SH3TC1: variants seen among roughly 807,000 people sequenced by gnomAD.
SH3TC1 encodes the protein SH3 domain and tetratricopeptide repeats 1.
In SH3TC1, 135 loss-of-function variants were observed where a neutral mutation model predicts 117.3. The observed-to-expected ratio is 1.15, with a 90% CI of 1.00 to 1.33. The LOEUF (loss-of-function observed/expected upper bound fraction) is 1.33. Among genes scored for constraint, SH3TC1 ranks in the 40% most tolerant of loss-of-function variants. SH3TC1 has a pLI of 0.00. For synonymous variants in SH3TC1, 898 were observed against 816.9 expected (o/e 1.10, Z -1.69); for missense variants, 2,092 against 1,794.3 (o/e 1.17, Z -3.00).
intron 17 of SH3TC1, among the ~76,000 whole-genome samples, chr4:8,239,423 G>C (rs1234004855): frequency 8.0e-6 from 1 of 125,478 alleles, no homozygotes; most frequent in Admixed American, 7.9e-5. Context: ...CAAATACACA[G>C]GCACATGCAC....
intron 10 of SH3TC1, among the ~76,000 whole-genome samples, chr4:8,223,392 G>T (rs1367947374): frequency 1.3e-5 from 2 of 152,232 alleles, no homozygotes; most frequent in African/African-American, 4.8e-5. Context: ...CCAGACTGTG[G>T]TGTGGCCTGG....
intron 9 of SH3TC1, 122 bp downstream of exon 9, chr4:8,219,652 C>G: frequency 9.0e-7 from 1 of 1,114,760 alleles, no homozygotes. Context: ...GATGCCTAGT[C>G]TCTTCCCTTG....
intron 1 of SH3TC1, among the ~76,000 whole-genome samples, chr4:8,188,777 G>C (rs2152974256): frequency 6.6e-6 from 1 of 152,362 alleles, no homozygotes; most frequent in African/African-American, 2.4e-5. Flanking sequence ...CAGCGGGTTA[G>C]CAGGCATGTG....
chr4:8,191,356 C>T (rs1194417291), intron 1 of SH3TC1, among the ~76,000 whole-genome samples: 1 of 152,242 alleles, frequency 6.6e-6, no homozygotes, highest in Non-Finnish European at 1.5e-5. Context: ...CTGCTGACCA[C>T]TTCCTGCAGG....
intron 12 of SH3TC1, among the ~76,000 whole-genome samples, chr4:8,230,864 C>CCTCTA (rs2152994187): frequency 6.7e-6 from 1 of 149,758 alleles, no homozygotes; most frequent in African/African-American, 2.5e-5. Flanking sequence ...CTCACTGCAA[C>CCTCTA]CTCTACCCGG....
intron 4 of SH3TC1, 200 bp downstream of exon 4, chr4:8,213,028 AG>A: frequency 1.5e-6 from 1 of 672,212 alleles, no homozygotes; most frequent in Non-Finnish European, 2.4e-6. Flanking sequence ...TGCTTTGTGG[AG>A]GGCACTGTGA....
chr4:8,188,872 C>A (rs1198404486), intron 1 of SH3TC1, among the ~76,000 whole-genome samples: 1 of 152,240 alleles, frequency 6.6e-6, no homozygotes, highest in Non-Finnish European at 1.5e-5. Context: ...GCCACCTCCT[C>A]CCTGTCTCTC....
chr4:8,234,035 T>C (rs559929586), intron 14 of SH3TC1, among the ~76,000 whole-genome samples: 9 of 141,234 alleles, frequency 6.4e-5, no homozygotes, highest in Admixed American at 4.2e-4. Flanking sequence ...CATCCATCCA[T>C]TCATCCATCA....
At position 8,210,033 on chromosome 4, in the gene SH3TC1, G is replaced by T; in HGVS notation, c.247+211G>T. Among the ~76,000 whole-genome samples, 1 of 152,298 alleles carries T rather than the reference G, an allele frequency of 6.6e-6. No homozygotes were observed. The highest frequency in any genetic ancestry group is 1.5e-5 in the Non-Finnish European group (1 of 68,008). On this transcript the variant is annotated intron_variant, in intron 3 of 17. Transcript: ENST00000245105. The surrounding 1 kb of genome is among the most constrained non-coding windows in gnomAD (Gnocchi z 4.1). ...GACATGGCCCCTGGGGCTCCCCTAG[G>T]CATCCCTGTGTGCACCTGCACAAAC... is the stretch of plus-strand genomic sequence containing the variant.
chr4:8,215,029 A>T, intron 5 of SH3TC1: 1 of 421,316 alleles, frequency 2.4e-6, no homozygotes, highest in South Asian at 1.7e-5. Context: ...CAAGATAACA[A>T]CACTGGTGTG....
At chr4:8,188,000 C>T (rs916773343) in intron 1 of SH3TC1, among the ~76,000 whole-genome samples, 1 of 152,224 alleles carries the variant, frequency 6.6e-6, no homozygotes, top group African/African-American at 2.4e-5. Context: ...ATCTATTGAT[C>T]CATTTAACTA....
rs1228851110 is a variant in SH3TC1 at position 8,222,849 on chromosome 4, T to A, written c.1122T>A (p.Ser374Arg). The A allele has an allele frequency of 6.2e-7, 1 of 1,611,052 alleles. No individual in the cohort carries two copies. The highest frequency in any genetic ancestry group is 2.2e-5 in the East Asian group (1 of 44,804). The stretch of plus-strand genomic sequence containing the variant: ...ACTTTATTTTTTCCAGGTTGGAAAG[T>A]GCGATTTTTCTCAATGAGGAAGAAA... ...SMQGPVSELE[S>R]AIFLNEEEKS... The change falls in exon 10 of 18, where the codon AGT becomes AGA. Residue 374 changes from serine to arginine, a missense_variant. Coordinates refer to ENST00000245105, the MANE Select transcript of SH3TC1 (RefSeq NM_018986.5).
chr4:8,205,105 C>A lies in SH3TC1; in HGVS notation c.-28-62C>A. Reference sequence around the variant, plus strand: ...TCTCTTTCTGGACCCCAGGCCTGGACACAACCTCCGTGCTGGTTCTGGAGG... The same window carrying A: ...TCTCTTTCTGGACCCCAGGCCTGGAAACAACCTCCGTGCTGGTTCTGGAGG... On this transcript the variant is annotated intron_variant, in intron 1 of 17. Transcript: ENST00000245105. This position sits in a 1 kb window ranked among gnomAD's most constrained non-coding sequence, Gnocchi z 5.4. The A allele has an allele frequency of 7.3e-7, 1 of 1,364,722 alleles. No individual in the cohort carries two copies. Among genetic ancestry groups the A allele is most frequent in the Non-Finnish European group, 9.7e-7 (1 of 1,029,228 alleles). 84.5% of individuals were successfully genotyped at this position (1,364,722 alleles called of 1,614,324 possible).
At chr4:8,233,640 A>T (rs1721462524) in intron 14 of SH3TC1, 127 bp downstream of exon 14, 1 of 1,138,672 alleles carries the variant, frequency 8.8e-7, no homozygotes, top group Non-Finnish European at 1.2e-6. Context: ...CCTTCCTTCC[A>T]TCCATCCATC....
At chr4:8,232,622 TCA>T (rs1489092638) in intron 13 of SH3TC1, 6 of 1,323,596 alleles carry the variant, frequency 4.5e-6, no homozygotes, top group Non-Finnish European at 6.0e-6. Flanking sequence ...TTTCAAGGTC[TCA>T]CATCCCACAT....
At position 8,228,222 on chromosome 4, in the gene SH3TC1, T is replaced by G. The variant is rs1720742228; in HGVS notation, c.2528T>G (p.Val843Gly). 5 of 1,608,792 alleles carry G rather than the reference T, an allele frequency of 3.1e-6. No individual in the cohort carries two copies. Among genetic ancestry groups the G allele is most frequent in the Non-Finnish European group, 4.2e-6 (5 of 1,177,158 alleles). ...CACGTGCTTCATGGGCAGAGCCCGG[T>G]GGCCCTGGACATCCTGCAGTCTGTC... The part of the protein sequence containing the change: ...WLHVLHGQSP[V>G]ALDILQSVRD... Residue 843 changes from valine (V) to glycine (G), a missense_variant, in exon 12 of 18, where the codon GTG becomes GGG. Transcript: ENST00000245105.
intron 1 of SH3TC1, among the ~76,000 whole-genome samples, chr4:8,200,078 C>A (rs753959): frequency 0.15 from 22,805 of 152,266 alleles, 2,095 homozygotes; most frequent in East Asian, 0.21. Flanking sequence ...GAGCCCTGCC[C>A]TGTCTGTGAA....
upstream of SH3TC1, among the ~76,000 whole-genome samples, chr4:8,195,794 G>T (rs1346287653): frequency 1.3e-5 from 2 of 152,124 alleles, no homozygotes; most frequent in Admixed American, 1.3e-4. Context: ...GGGGGCACCC[G>T]CTTTGAGTCT....
chr4:8,235,283 T>C (rs1462504510), intron 14 of SH3TC1, 150 bp from the exon 15 acceptor site: 1 of 917,724 alleles, frequency 1.1e-6, no homozygotes, highest in Non-Finnish European at 1.5e-6. Flanking sequence ...ATGCCAGCGG[T>C]GGGGGCGGCC....
Sources: gnomAD v4.1 joint callset for allele counts (sites outside exome capture counted in the v4.1 genomes callset) on GRCh38, gnomAD v4.1.1 for gene constraint, Gnocchi (gnomAD v3.1) non-coding constraint, MANE v1.5 for transcripts, NCBI Gene and HGNC (gene_info 2026-07-23, HGNC 2026-07-21) for gene names.